ZNF492: variants seen among roughly 807,000 people sequenced by gnomAD.
ZNF492 encodes the protein zinc finger protein 115 (Y20).
In ZNF492, 3 loss-of-function variants were observed where a neutral mutation model predicts 6.4. That is an observed-to-expected ratio of 0.47 (90% CI 0.21 to 1.22). ZNF492 has a LOEUF of 1.22. Ranked by LOEUF, ZNF492 falls within the 50% of genes most tolerant of loss-of-function variation. The pLI is 0.22. For missense variants in ZNF492, 356 were observed against 612.5 expected, an observed-to-expected ratio of 0.58 and a Z score of 4.42; for synonymous variants, 112 against 205.3, an observed-to-expected ratio of 0.55 and a Z score of 3.89.
chr19:22,646,124 T>G (rs1971875135), intron 1 of ZNF492, among the ~76,000 whole-genome samples: 1 of 152,228 alleles, frequency 6.6e-6, no homozygotes, highest in Non-Finnish European at 1.5e-5. Context: ...TATGGCCATT[T>G]TCATGATGTT....
chr19:22,664,626 C>T lies in ZNF492; in HGVS notation c.957C>T (p.Ser319=), dbSNP rs538949044. Reference sequence around the variant, plus strand: ...GTGAAGAATGTGGTAAGGCCTTTAGCCAGTTATCCCACCTTACTACACATA... The same window carrying T: ...GTGAAGAATGTGGTAAGGCCTTTAGTCAGTTATCCCACCTTACTACACATA... ...YKCEECGKAF[S]QLSHLTTHKR... Residue 319 remains serine, a synonymous_variant, in exon 4 of 4, where the codon AGC becomes AGT. Coordinates refer to ENST00000456783, the MANE Select transcript of ZNF492 (RefSeq NM_020855.3). 57 of 1,613,502 alleles carry T rather than the reference C, an allele frequency of 3.5e-5. No individual in the cohort carries two copies. The highest frequency in any genetic ancestry group is 1.6e-4 in the Middle Eastern group (1 of 6,084).
intron 1 of ZNF492, among the ~76,000 whole-genome samples, chr19:22,635,255 GATTTTCCCTGGC>G (rs931219595): frequency 2.3e-4 from 35 of 152,212 alleles, no homozygotes; most frequent in African/African-American, 8.2e-4. Flanking sequence ...ACATGGGGCT[GATTTTCCCTGGC>G]ATTTTTCACA....
chr19:22,636,514 C>CTGTGTG (rs141601969), intron 1 of ZNF492, among the ~76,000 whole-genome samples: 1,607 of 147,292 alleles, frequency 0.011, 32 homozygotes, highest in East Asian at 0.043. Flanking sequence ...ACATGATCTT[C>CTGTGTG]TGTGTGTGTG....
chr19:22,645,068 A>T (rs1451621992), intron 1 of ZNF492, among the ~76,000 whole-genome samples: 18 of 150,102 alleles, frequency 1.2e-4, no homozygotes, highest in African/African-American at 4.2e-4. Context: ...TTTTTTTGAG[A>T]TGGAGTCTTG....
At chr19:22,643,100 T>TA (rs1303045945) in intron 1 of ZNF492, among the ~76,000 whole-genome samples, 2 of 151,988 alleles carry the variant, frequency 1.3e-5, no homozygotes, top group Non-Finnish European at 1.5e-5. Flanking sequence ...CTGTCTCTAC[T>TA]AAAAATACAA....
rs1359905746 is a variant in ZNF492, at chr19:22,663,985, A to C, written c.316A>C (p.Thr106Pro). The C allele has an allele frequency of 6.2e-7, 1 of 1,612,062 alleles. No homozygotes were observed. The highest frequency in any genetic ancestry group is 1.7e-5 in the Admixed American group (1 of 59,514). Reference sequence around the variant, plus strand: ...TTACAATGGACTTAACCAGTGTTTGACGACTACCCAGAACAAAATATTTCA... The same window carrying C: ...TTACAATGGACTTAACCAGTGTTTGCCGACTACCCAGAACAAAATATTTCA... ...ECYNGLNQCL[T>P]TTQNKIFQCD... is the part of the protein sequence containing the mutation. The change falls in exon 4 of 4, where the codon ACG (threonine) becomes CCG (proline). Residue 106 changes from threonine (T) to proline (P), a missense_variant. By Grantham distance (38) the Thr-to-Pro change is conservative. Around this residue, in one of 7 missense-constraint regions of ZNF492, gnomAD observed 196 missense variants for 219.4 expected, o/e 0.89. Coordinates refer to ENST00000456783, the MANE Select transcript of ZNF492 (RefSeq NM_020855.3).
intron 1 of ZNF492, among the ~76,000 whole-genome samples, chr19:22,651,720 G>A (rs1209442514): frequency 2.0e-5 from 3 of 151,942 alleles, no homozygotes; most frequent in Non-Finnish European, 4.4e-5. Flanking sequence ...GAAAAGCTGG[G>A]GTCCTTAATA....
At chr19:22,657,924 G>T (rs1261650730) in intron 3 of ZNF492, among the ~76,000 whole-genome samples, 1 of 151,828 alleles carries the variant, frequency 6.6e-6, no homozygotes, top group Non-Finnish European at 1.5e-5. Context: ...GCTTTATCTT[G>T]TCTAAATGAG....
At chr19:22,642,652 G>A (rs1239784024) in intron 1 of ZNF492, among the ~76,000 whole-genome samples, 1 of 152,062 alleles carries the variant, frequency 6.6e-6, no homozygotes, top group Non-Finnish European at 1.5e-5. Flanking sequence ...GCCTCCTAAA[G>A]TGCTGGGAGT....
chr19:22,642,363 A>G (rs1196184996), intron 1 of ZNF492, among the ~76,000 whole-genome samples: 5 of 150,756 alleles, frequency 3.3e-5, no homozygotes. Flanking sequence ...AATTATATTA[A>G]CAGCTAAATA....
intron 1 of ZNF492, among the ~76,000 whole-genome samples, chr19:22,646,500 C>T (rs34342453): frequency 0.19 from 29,465 of 152,114 alleles, 3,720 homozygotes; most frequent in African/African-American, 0.37. Context: ...TATTTGAATA[C>T]TCTTTATTTC....
chr19:22,648,656 A>G (rs1971908969), intron 1 of ZNF492, among the ~76,000 whole-genome samples: 1 of 152,168 alleles, frequency 6.6e-6, no homozygotes, highest in East Asian at 1.9e-4. Flanking sequence ...TATTTAGGAG[A>G]GTTAGCTCTT....
chr19:22,661,526 A>G (rs565060381), intron 3 of ZNF492, among the ~76,000 whole-genome samples: 23 of 152,216 alleles, frequency 1.5e-4, no homozygotes, highest in Admixed American at 1.4e-3. Flanking sequence ...GAGTCTCTCA[A>G]ACATGTTCTT....
At chr19:22,655,833 T>C in intron 3 of ZNF492, among the ~76,000 whole-genome samples, 1 of 138,978 alleles carries the variant, frequency 7.2e-6, no homozygotes, top group Middle Eastern at 3.6e-3. Context: ...TTTTTTTTTT[T>C]TTTTTTTTTG....
intron 1 of ZNF492, among the ~76,000 whole-genome samples, chr19:22,644,340 G>C (rs1289302463): frequency 6.6e-6 from 1 of 152,118 alleles, no homozygotes; most frequent in Non-Finnish European, 1.5e-5. Flanking sequence ...ACAGTGGTTT[G>C]CTGCACGTAT....
chr19:22,639,666 G>A lies in ZNF492; in HGVS notation c.-94+5192G>A, dbSNP rs548683998. ...GCAGAGGTTGCAGTGAGCCAAGATC[G>A]CGCCACCGCACCCCAGCCTGGGCAA... On this transcript the variant is annotated intron_variant, in intron 1 of 3. Transcript: ENST00000456783. Among the ~76,000 whole-genome samples, 8 of 128,060 alleles carry A rather than the reference G, an allele frequency of 6.2e-5. No individual in the cohort carries two copies. The South Asian group carries it at 6.4e-4, about 10-fold the overall frequency. 84.0% of individuals were successfully genotyped at this position (128,060 alleles called of 152,430 possible).
intron 3 of ZNF492, among the ~76,000 whole-genome samples, chr19:22,662,072 A>G (rs1225033869): frequency 3.9e-5 from 6 of 152,000 alleles, no homozygotes; most frequent in Admixed American, 2.0e-4. Context: ...GGTTAATGCT[A>G]TCCTTCCCCC....
At chr19:22,642,583 G>A (rs1971839771) in intron 1 of ZNF492, among the ~76,000 whole-genome samples, 1 of 151,310 alleles carries the variant, frequency 6.6e-6, no homozygotes, top group East Asian at 2.0e-4. Context: ...TAGAGACGGG[G>A]TTTCACCATG....
At chr19:22,638,040 G>T (rs1313586795) in intron 1 of ZNF492, among the ~76,000 whole-genome samples, 5 of 151,964 alleles carry the variant, frequency 3.3e-5, no homozygotes, top group Non-Finnish European at 7.4e-5. Context: ...CCCTTTTCAT[G>T]TTTTTTGTCT....
Sources: gnomAD v4.1 joint callset for allele counts (sites outside exome capture counted in the v4.1 genomes callset) on GRCh38, gnomAD v4.1.1 for gene constraint, gnomAD v4.1.1 regional missense constraint, MANE v1.5 for transcripts, NCBI Gene and HGNC (gene_info 2026-07-23, HGNC 2026-07-21) for gene names.